The following POP4 variants were observed in gnomAD, a reference collection of about 807,000 sequenced individuals.
POP4 encodes the protein POP4 ribonuclease P/MRP subunit.
In POP4, 31 loss-of-function variants were observed where a neutral mutation model predicts 29.9. The observed-to-expected ratio is 1.04, with a 90% CI of 0.78 to 1.40. The LOEUF is 1.40. POP4 is among the 40% of genes most tolerant of loss of function. The probability of loss-of-function intolerance (pLI) is 0.00; values close to 1 mark genes in which losing one functional copy is unlikely to be tolerated. For synonymous variants in POP4, 110 were observed against 108.2 expected (o/e 1.02, Z -0.10); for missense variants, 286 against 282.7 (o/e 1.01, Z -0.08).
intron 5 of POP4, 140 bp from the exon 6 acceptor site, chr19:29,613,731 C>A: frequency 3.8e-6 from 5 of 1,313,212 alleles, no homozygotes; most frequent in South Asian, 1.6e-5. Flanking sequence ...GCTGTTGAGC[C>A]CCCACCCCCT....
Position 29,606,337 on chromosome 19 carries a change from C to A in POP4, c.7+12C>A, listed in dbSNP as rs369413330. Reference sequence around the variant, plus strand: ...TCCGAGAATGAAGAGTAAGCGGGGCCGCGAAGTTGGAGAGGGTTGGGGACG... The same window carrying A: ...TCCGAGAATGAAGAGTAAGCGGGGCAGCGAAGTTGGAGAGGGTTGGGGACG... On this transcript the variant is annotated intron_variant, in intron 1 of 6. Coordinates refer to ENST00000585603, the MANE Select transcript of POP4 (RefSeq NM_006627.3). The A allele has an allele frequency of 3.1e-6, 5 of 1,605,350 alleles. No individual in the cohort carries two copies. Among genetic ancestry groups the A allele is most frequent in the Non-Finnish European group, 3.4e-6 (4 of 1,176,384 alleles).
chr19:29,610,725 A>C, intron 3 of POP4, 93 bp downstream of exon 3: 1 of 1,285,898 alleles, frequency 7.8e-7, no homozygotes, highest in South Asian at 1.4e-5. Context: ...GCCTGGCTCC[A>C]CCTAAGCTAA....
intron 5 of POP4, 68 bp downstream of exon 5, chr19:29,612,246 AG>A: frequency 7.0e-7 from 1 of 1,431,818 alleles, no homozygotes; most frequent in South Asian, 1.3e-5. Flanking sequence ...GTGGAGACCC[AG>A]GGCGTGTGTT....
Position 29,610,684 on chromosome 19 carries a change from G to A in POP4, c.284+52G>A, listed in dbSNP as rs1971057652. 1.9e-6 allele frequency: 3 copies of A among 1,567,928 alleles called. No individual in the cohort carries two copies. In the Admixed American group the frequency reaches 5.5e-5, roughly 29 times the overall value. ...GCCCGCGGTGCTTACCCTTCTTGGT[G>A]TGTGAACTTGGCTGAGTGGCTGGGG... On this transcript the variant is annotated intron_variant, in intron 3 of 6. Coordinates refer to ENST00000585603, the MANE Select transcript of POP4 (RefSeq NM_006627.3).
chr19:29,607,773 C>T (rs956070817), intron 1 of POP4, among the ~76,000 whole-genome samples: 1 of 152,160 alleles, frequency 6.6e-6, no homozygotes, highest in Non-Finnish European at 1.5e-5. Flanking sequence ...AGGACACCAT[C>T]GATTATGTGA....
chr19:29,612,278 C>A, intron 5 of POP4, 100 bp downstream of exon 5: 2 of 1,140,650 alleles, frequency 1.8e-6, no homozygotes, highest in East Asian at 2.4e-5. Flanking sequence ...CACTCTTTAC[C>A]GTGTGGATTC....
At chr19:29,610,791 TGTGTTCA>T (rs908644886) in intron 3 of POP4, 159 bp downstream of exon 3, 2 of 712,556 alleles carry the variant, frequency 2.8e-6, no homozygotes, top group Non-Finnish European at 4.6e-6. Context: ...CAATCTGGGC[TGTGTTCA>T]GCGAGGCGGG....
rs1425087395 is a variant in POP4, at chr19:29,615,332, T to G, written c.615T>G (p.Ser205Arg). ...IYGSKFQLRS[S>R]ERSAKKFKAK... is the part of the protein sequence containing the mutation. ...GGAGCAAATTCCAGCTTCGGTCAAG[T>G]GAACGGTCTGCGAAGAAGTTCAAAG... Residue 205 changes from serine (S) to arginine (R), a missense_variant, in exon 7 of 7, where the codon AGT (serine) becomes AGG (arginine). Ser to Arg is a moderately radical substitution (Grantham distance 110, BLOSUM62 -1). Coordinates refer to ENST00000585603, the MANE Select transcript of POP4 (RefSeq NM_006627.3). 1.2e-6 allele frequency: 2 copies of G among 1,613,590 alleles called. No individual in the cohort carries two copies. The highest frequency in any genetic ancestry group is 1.7e-6 in the Non-Finnish European group (2 of 1,179,960).
rs2145558997 is a variant in POP4 at position 29,613,870 on chromosome 19, G to A, written c.425-1G>A. The A allele has an allele frequency of 1.2e-6, 2 of 1,610,862 alleles. No individual in the cohort carries two copies. Among genetic ancestry groups the A allele is most frequent in the Non-Finnish European group, 1.7e-6 (2 of 1,178,858 alleles). Reference sequence around the variant, plus strand: ...CCTGGAACTGTCCTTTTTCTTTGCAGTGACAAAATCCAAATGCCCCTCTTA... The same window carrying A: ...CCTGGAACTGTCCTTTTTCTTTGCAATGACAAAATCCAAATGCCCCTCTTA... On this transcript the variant is annotated splice_acceptor_variant, in intron 5 of 6. Transcript: ENST00000585603. LOFTEE classifies it high-confidence loss of function.
Position 29,612,181 on chromosome 19 carries a change from A to G in POP4, c.424+3A>G, listed in dbSNP as rs1414441249. On this transcript the variant is annotated splice_donor_region_variant and intron_variant, in intron 5 of 6. Coordinates refer to ENST00000585603, the MANE Select transcript of POP4 (RefSeq NM_006627.3). ...TCTTCACGGGGCTATTATTTCAGGTAATTTACCTAAGAGCGTGTAGCACAT... is the reference window on the plus strand; with the variant it reads ...TCTTCACGGGGCTATTATTTCAGGTGATTTACCTAAGAGCGTGTAGCACAT... 11 of 1,606,056 alleles carry G rather than the reference A, an allele frequency of 6.8e-6. No homozygotes were observed. The highest frequency in any genetic ancestry group is 9.3e-6 in the Non-Finnish European group (11 of 1,177,458).
chr19:29,608,791 T>C (rs748459382), intron 2 of POP4, 82 bp downstream of exon 2: 2 of 1,297,086 alleles, frequency 1.5e-6, no homozygotes, highest in Non-Finnish European at 2.2e-6. Context: ...CAGCACTGAT[T>C]GAGATGTCCT....
chr19:29,606,563 T>C, intron 1 of POP4: 1 of 456,736 alleles, frequency 2.2e-6, no homozygotes, highest in South Asian at 4.5e-5. Flanking sequence ...GGCTGCTCAG[T>C]GGTGTGCGAT....
chr19:29,613,781 A>T (rs564381669), intron 5 of POP4, 90 bp from the exon 6 acceptor site: 15 of 1,517,978 alleles, frequency 9.9e-6, no homozygotes, highest in Non-Finnish European at 1.3e-5. Context: ...AGAGGGTGGG[A>T]TCAGCACCCC....
At chr19:29,614,902 T>C (rs1971113079) in intron 6 of POP4, among the ~76,000 whole-genome samples, 1 of 152,228 alleles carries the variant, frequency 6.6e-6, no homozygotes, top group African/African-American at 2.4e-5. Context: ...AGTGGTGTAA[T>C]AGTTTCTCCA....
chr19:29,609,488 C>T (rs1297611143), intron 2 of POP4, among the ~76,000 whole-genome samples: 1 of 152,232 alleles, frequency 6.6e-6, no homozygotes, highest in Admixed American at 6.5e-5. Context: ...GCTCAGGAAA[C>T]AGCCCAGCCA....
rs537308332 is a variant in POP4, at chr19:29,609,629, G to C, written c.61-780G>C. On this transcript the variant is annotated intron_variant, in intron 2 of 6. Transcript: ENST00000585603. Reference sequence around the variant, plus strand: ...GGTAGTGAGCTTGGAGGGTTTCTTTGTTTGTTTGTTTGTTTGTTTGTTTGT... The same window carrying C: ...GGTAGTGAGCTTGGAGGGTTTCTTTCTTTGTTTGTTTGTTTGTTTGTTTGT... Among the ~76,000 whole-genome samples, 627 of 132,832 alleles carry C rather than the reference G, an allele frequency of 4.7e-3. 4 individuals are homozygous for C. Among genetic ancestry groups the C allele is most frequent in the African/African-American group, 0.021 (606 of 28,890 alleles). 87.1% of individuals were successfully genotyped at this position (132,832 alleles called of 152,430 possible). A position where few individuals can be genotyped will look rare whatever the true frequency, so the allele number is the denominator to read the frequency against.
At position 29,615,233 on chromosome 19, in the gene POP4, T is replaced by C; in HGVS notation, c.527-11T>C. The stretch of plus-strand genomic sequence containing the variant: ...CTTTTTTTCTCCTGCCTTTTTTTTT[T>C]TTTTTTTCAGTTATCCCCAAGCTAA... On this transcript the variant is annotated splice_polypyrimidine_tract_variant and intron_variant, in intron 6 of 6. Transcript: ENST00000585603. The C allele has an allele frequency of 6.6e-7, 1 of 1,515,774 alleles. No homozygotes were observed. Among genetic ancestry groups the C allele is most frequent in the East Asian group, 2.3e-5 (1 of 43,382 alleles). 93.9% of individuals were successfully genotyped at this position (1,515,774 alleles called of 1,614,324 possible). A position where few individuals can be genotyped will look rare whatever the true frequency, so the allele number is the denominator to read the frequency against.
chr19:29,613,037 C>T (rs1489134622), intron 5 of POP4, among the ~76,000 whole-genome samples: 5 of 152,232 alleles, frequency 3.3e-5, no homozygotes, highest in Non-Finnish European at 7.3e-5. Flanking sequence ...TTCCTCCTGC[C>T]CTGCCTCAGG....
Position 29,615,488 on chromosome 19 carries a change from C to A in POP4, c.*108C>A. On this transcript the variant is annotated 3_prime_UTR_variant, in exon 7 of 7. Coordinates refer to ENST00000585603, the MANE Select transcript of POP4 (RefSeq NM_006627.3). ...TTAAGCCAATTCCATTTATAGACCA[C>A]CTCCAGCCAGTGACGCTCCGAGTTG... The A allele has an allele frequency of 8.0e-7, 1 of 1,251,252 alleles. No homozygotes were observed. Among genetic ancestry groups the A allele is most frequent in the Non-Finnish European group, 1.1e-6 (1 of 906,264 alleles). The allele number at this position is 1,251,252 out of a possible 1,614,324, so 77.5% of individuals were successfully genotyped here. A position where few individuals can be genotyped will look rare whatever the true frequency, so the allele number is the denominator to read the frequency against.
Sources: gnomAD v4.1 joint callset for allele counts (sites outside exome capture counted in the v4.1 genomes callset) on GRCh38, gnomAD v4.1.1 for gene constraint, MANE v1.5 for transcripts, NCBI Gene and HGNC (gene_info 2026-07-23, HGNC 2026-07-21) for gene names.